The following SPTB variants were observed in gnomAD, a reference collection of about 807,000 sequenced individuals.
SPTB encodes the protein spectrin beta chain, erythrocytic.
SPTB carries 45 observed loss-of-function variants against 256.2 expected under a neutral mutation model. The observed-to-expected ratio is 0.18, with a 90% CI of 0.14 to 0.23. The LOEUF (loss-of-function observed/expected upper bound fraction) is 0.23, where lower values mean the gene tolerates loss of function less well. SPTB is among the 10% of genes least tolerant of loss of function. The probability of loss-of-function intolerance (pLI) is 1.00; values close to 1 mark genes in which losing one functional copy is unlikely to be tolerated. For missense variants in SPTB, 2,715 were observed against 3,040.4 expected, an observed-to-expected ratio of 0.89 and a Z score of 2.52; for synonymous variants, 1,231 against 1,243.1, an observed-to-expected ratio of 0.99 and a Z score of 0.21.
At chr14:64,765,041 T>TGTGTGTGTGTGTGCGC (rs570414192) in intron 32 of SPTB, among the ~76,000 whole-genome samples, 5 of 116,986 alleles carry the variant, frequency 4.3e-5, no homozygotes, top group African/African-American at 1.7e-4. Context: ...TGTGTGTGTG[T>TGTGTGTGTGTGTGCGC]GCGCGCGCGC....
intron 1 of SPTB, among the ~76,000 whole-genome samples, chr14:64,874,903 T>C (rs1882736991): frequency 6.6e-6 from 1 of 152,212 alleles, no homozygotes. Flanking sequence ...TTCATAAATA[T>C]CCTGGATGAT....
chr14:64,812,558 C>T (rs389986), intron 2 of SPTB, among the ~76,000 whole-genome samples: 8,208 of 152,018 alleles, frequency 0.054, 795 homozygotes, highest in African/African-American at 0.19. Context: ...AAATGCCTCC[C>T]CACAGGGTCA....
At position 64,786,280 on chromosome 14, in the gene SPTB, G is replaced by T; in HGVS notation, c.3561+124C>A. The T allele has an allele frequency of 1.5e-6, 2 of 1,333,882 alleles. No homozygotes were observed. Among genetic ancestry groups the T allele is most frequent in the Non-Finnish European group, 2.1e-6 (2 of 937,198 alleles). 82.6% of individuals were successfully genotyped at this position (1,333,882 alleles called of 1,614,324 possible). The stretch of plus-strand genomic sequence containing the variant: ...AATGAGAAACAAAGATTTCCCCCAT[G>T]AGTGAATACAGAGTACAAGACAAGA... On this transcript the variant is annotated intron_variant, in intron 16 of 35. Coordinates refer to ENST00000644917, the MANE Select transcript of SPTB (RefSeq NM_001355436.2). The surrounding 1 kb of genome is among the most constrained non-coding windows in gnomAD (Gnocchi z 5.6).
At chr14:64,843,806 A>C (rs1337966249) in intron 1 of SPTB, among the ~76,000 whole-genome samples, 2 of 152,162 alleles carry the variant, frequency 1.3e-5, no homozygotes, top group Non-Finnish European at 2.9e-5. Flanking sequence ...CGCCTGCTCT[A>C]AGCATTAGCC....
rs2082691815 is a variant in SPTB at position 64,792,551 on chromosome 14, T to A, written c.2666+446A>T. On this transcript the variant is annotated intron_variant, in intron 14 of 35. Transcript: ENST00000644917. This position sits in a 1 kb window ranked among gnomAD's most constrained non-coding sequence, Gnocchi z 4.2. ...AAAATCAGAACACCAGGGGTGAGAG[T>A]GGCCTTGCAGACAGGGGGTTTGCAA... Among the ~76,000 whole-genome samples the A allele has an allele frequency of 6.6e-6, 1 of 151,746 alleles. No individual in the cohort carries two copies. The highest frequency in any genetic ancestry group is 2.1e-4 in the South Asian group (1 of 4,792).
rs1375092233 is a variant in SPTB, at chr14:64,847,670, G to A, written c.-51-24525C>T. ...GACTACCATGAGACACCAGCCAGCT[G>A]GTGGGAAGTGCTGACCTGTTATATT... On this transcript the variant is annotated intron_variant, in intron 1 of 35. Coordinates refer to ENST00000644917, the MANE Select transcript of SPTB (RefSeq NM_001355436.2). The surrounding 1 kb of genome is among the most constrained non-coding windows in gnomAD (Gnocchi z 5.9). 2.0e-5 allele frequency among the ~76,000 whole-genome samples: 3 copies of A among 152,182 alleles called. No individual in the cohort carries two copies. The highest frequency in any genetic ancestry group is 6.5e-5 in the Admixed American group (1 of 15,278).
At position 64,823,943 on chromosome 14, in the gene SPTB, A is replaced by C. The variant is rs1247926938; in HGVS notation, c.-51-798T>G. 6.6e-6 allele frequency among the ~76,000 whole-genome samples: 1 copy of C among 152,208 alleles called. No homozygotes were observed. Among genetic ancestry groups the C allele is most frequent in the Non-Finnish European group, 1.5e-5 (1 of 68,038 alleles). ...CCGTGCATTGTGAGTCCATGTGATG[A>C]ACCAGCGCATCAGGAGCACTGGGTC... On this transcript the variant is annotated intron_variant, in intron 1 of 35. Coordinates refer to ENST00000644917, the MANE Select transcript of SPTB (RefSeq NM_001355436.2). The surrounding 1 kb of genome is among the most constrained non-coding windows in gnomAD (Gnocchi z 6.5).
At chr14:64,782,259 A>G (rs1383129822) in intron 20 of SPTB, 31 bp downstream of exon 20, 2 of 1,614,020 alleles carry the variant, frequency 1.2e-6, no homozygotes, top group East Asian at 2.2e-5. Context: ...CTTCTATCCT[A>G]ACACTCTGAG....
intron 1 of SPTB, among the ~76,000 whole-genome samples, chr14:64,839,903 G>A (rs904576769): frequency 1.3e-5 from 2 of 152,138 alleles, no homozygotes; most frequent in Non-Finnish European, 2.9e-5. Context: ...TTAAGCTACA[G>A]AAATTAAAGA....
At chr14:64,815,862 T>A (rs1004197016) in intron 2 of SPTB, among the ~76,000 whole-genome samples, 6 of 152,182 alleles carry the variant, frequency 3.9e-5, no homozygotes, top group African/African-American at 1.2e-4. Flanking sequence ...CCCCTGGTGT[T>A]ACAGGTGAGG....
chr14:64,862,871 A>AAC (rs1393835543), intron 1 of SPTB, among the ~76,000 whole-genome samples: 1 of 34,934 alleles, frequency 2.9e-5, no homozygotes, highest in African/African-American at 4.6e-5. Context: ...CAACAATAAC[A>AAC]ACAAAAAAAA....
chr14:64,804,514 C>T (rs556150601), intron 3 of SPTB, among the ~76,000 whole-genome samples: 11 of 152,276 alleles, frequency 7.2e-5, no homozygotes, highest in African/African-American at 1.9e-4. Flanking sequence ...ACAGTATTGC[C>T]GGTGGGTTAC....
At chr14:64,763,426 C>T (rs781500786) in intron 32 of SPTB, among the ~76,000 whole-genome samples, 1 of 152,230 alleles carries the variant, frequency 6.6e-6, no homozygotes, top group African/African-American at 2.4e-5. Flanking sequence ...TCCCATCTCC[C>T]GTCTCACACC....
rs555812653 is a variant in SPTB, at chr14:64,866,764, G to A, written c.-52+13028C>T. On this transcript the variant is annotated intron_variant, in intron 1 of 35. Coordinates refer to ENST00000644917, the MANE Select transcript of SPTB (RefSeq NM_001355436.2). This position sits in a 1 kb window ranked among gnomAD's most constrained non-coding sequence, Gnocchi z 4.6. ...CAGAACAAGCCAACCAAAAAATACT[G>A]TAATATATTACAAGGTAGTTCCTAC... is the stretch of plus-strand genomic sequence containing the variant. Among the ~76,000 whole-genome samples, 37 of 152,282 alleles carry A rather than the reference G, an allele frequency of 2.4e-4. No homozygotes were observed. The highest frequency in any genetic ancestry group is 8.7e-4 in the African/African-American group (36 of 41,560).
intron 32 of SPTB, among the ~76,000 whole-genome samples, chr14:64,765,042 G>A (rs1295743009): frequency 6.6e-5 from 8 of 121,772 alleles, no homozygotes; most frequent in Middle Eastern, 4.1e-3. Flanking sequence ...GTGTGTGTGT[G>A]CGCGCGCGCG....
At chr14:64,830,370 ATTATTATTATT>A (rs1197554416) in intron 1 of SPTB, among the ~76,000 whole-genome samples, 8 of 98,528 alleles carry the variant, frequency 8.1e-5, no homozygotes, top group Non-Finnish European at 1.2e-4. Flanking sequence ...TATTATTATT[ATTATTATTATT>A]TTATTTTATT....
rs2083651956 is a variant in SPTB at position 64,844,205 on chromosome 14, G to T, written c.-51-21060C>A. The stretch of plus-strand genomic sequence containing the variant: ...CAGGAGTCATGGAGAAAAAAAAAAT[G>T]AGAGCTAGAAAGCCCAGCCTGTCTT... On this transcript the variant is annotated intron_variant, in intron 1 of 35. Transcript: ENST00000644917. This position sits in a 1 kb window ranked among gnomAD's most constrained non-coding sequence, Gnocchi z 4.1. Among the ~76,000 whole-genome samples the T allele has an allele frequency of 6.6e-6, 1 of 152,040 alleles. No homozygotes were observed. Among genetic ancestry groups the T allele is most frequent in the African/African-American group, 2.4e-5 (1 of 41,392 alleles).
chr14:64,835,587 G>C (rs1420731803), intron 1 of SPTB, among the ~76,000 whole-genome samples: 1 of 152,100 alleles, frequency 6.6e-6, no homozygotes, highest in African/African-American at 2.4e-5. Flanking sequence ...AGGTCTGCAG[G>C]GAGAGCAGCA....
chr14:64,768,143 G>C, intron 29 of SPTB: 1 of 493,854 alleles, frequency 2.0e-6, no homozygotes, highest in Non-Finnish European at 3.7e-6. Context: ...CTGGGTTCAA[G>C]TGATCCTCCC....
Sources: gnomAD v4.1 joint callset for allele counts (sites outside exome capture counted in the v4.1 genomes callset) on GRCh38, gnomAD v4.1.1 for gene constraint, Gnocchi (gnomAD v3.1) non-coding constraint, MANE v1.5 for transcripts, NCBI Gene and HGNC (gene_info 2026-07-23, HGNC 2026-07-21) for gene names.